The following CALCR variants were observed in gnomAD, a reference collection of about 807,000 sequenced individuals.
The protein encoded by CALCR is calcitonin receptor.
In CALCR, 47 loss-of-function variants were observed where a neutral mutation model predicts 59.5. The ratio of observed to expected loss-of-function variants is 0.79; its 90% CI spans 0.63 to 1.01. The LOEUF (loss-of-function observed/expected upper bound fraction) is 1.01, where lower values mean the gene tolerates loss of function less well. Ranked by LOEUF, CALCR falls within the 50% of genes least tolerant of loss-of-function variation. The pLI is 0.00. For synonymous variants in CALCR, 213 were observed against 211.3 expected, an observed-to-expected ratio of 1.01 and a Z score of -0.07; for missense variants, 566 against 597.1, an observed-to-expected ratio of 0.95 and a Z score of 0.54.
At position 93,486,788 on chromosome 7, in the gene CALCR, A is replaced by C. The variant is rs1584575842; in HGVS notation, c.51+143T>G. 3 of 660,510 alleles carry C rather than the reference A, an allele frequency of 4.5e-6. No homozygotes were observed. In the East Asian group the frequency reaches 8.5e-5, roughly 19 times the overall value. 40.9% of individuals were successfully genotyped at this position (660,510 alleles called of 1,614,324 possible). ...AGATTTGTTAACAAAATATTAAGCA[A>C]AATAATGGCTTTGAGGAACTTAGTT... On this transcript the variant is annotated intron_variant, in intron 3 of 13. Transcript: ENST00000426151.
chr7:93,461,551 A>G (rs947202310), intron 7 of CALCR, among the ~76,000 whole-genome samples: 8 of 152,160 alleles, frequency 5.3e-5, no homozygotes, highest in Non-Finnish European at 1.2e-4. Flanking sequence ...GGTGGAGCTC[A>G]GACACAGGCA....
Position 93,425,901 on chromosome 7 carries a change from G to A in CALCR, c.*455C>T, listed in dbSNP as rs1261408071. The A allele has an allele frequency of 3.2e-5, 5 of 154,214 alleles. No homozygotes were observed. The East Asian group carries it at 9.6e-4, about 30-fold the overall frequency. 9.6% of individuals were successfully genotyped at this position (154,214 alleles called of 1,614,324 possible). ...AAAACATCTCAGTAACATCAGAATT[G>A]ACTGAAATTTAAAAAAATTAAAAAT... On this transcript the variant is annotated 3_prime_UTR_variant, in exon 14 of 14. Coordinates refer to ENST00000426151, the MANE Select transcript of CALCR (RefSeq NM_001742.4).
chr7:93,570,700 A>T (rs1789982749), intron 2 of CALCR, among the ~76,000 whole-genome samples: 1 of 152,188 alleles, frequency 6.6e-6, no homozygotes, highest in Admixed American at 6.5e-5. Context: ...GGTACCAGGC[A>T]GCTGTGCAGA....
chr7:93,574,400 GGAGATGTC>G lies in CALCR; in HGVS notation c.-146_-139del, dbSNP rs1790070274. 1 of 152,204 alleles carries G rather than the reference GGAGATGTC, an allele frequency of 6.6e-6. No individual in the cohort carries two copies. The highest frequency in any genetic ancestry group is 6.5e-5 in the Admixed American group (1 of 15,282). 9.4% of individuals were successfully genotyped at this position (152,204 alleles called of 1,614,324 possible). On this transcript the variant is annotated 5_prime_UTR_variant, in exon 2 of 14. Transcript: ENST00000426151. ...AGCTTCAGCGCCCATCTCCTGGGCA[GGAGATGTC>G]AGCCGCAGGGTGAGGTGCGGACGTG... is the stretch of plus-strand genomic sequence containing the variant.
intron 13 of CALCR, among the ~76,000 whole-genome samples, chr7:93,429,317 C>T (rs1799599106): frequency 6.6e-6 from 1 of 151,940 alleles, no homozygotes; most frequent in Non-Finnish European, 1.5e-5. Flanking sequence ...AAAAACAAAA[C>T]AAAACAAAAC....
intron 8 of CALCR, among the ~76,000 whole-genome samples, chr7:93,459,723 T>G (rs1800277682): frequency 6.6e-6 from 1 of 152,124 alleles, no homozygotes; most frequent in African/African-American, 2.4e-5. Context: ...GAAATCACTG[T>G]GAAAAACAGT....
rs1287093605 is a variant in CALCR at position 93,486,915 on chromosome 7, C to T, written c.51+16G>A. The T allele has an allele frequency of 2.1e-6, 3 of 1,461,378 alleles. No individual in the cohort carries two copies. The African/African-American group carries it at 4.2e-5, about 21-fold the overall frequency. 90.5% of individuals were successfully genotyped at this position (1,461,378 alleles called of 1,614,324 possible). A position where few individuals can be genotyped will look rare whatever the true frequency, so the allele number is the denominator to read the frequency against. The stretch of plus-strand genomic sequence containing the variant: ...TTCTTCATTAGCATGGCTTTGAATA[C>T]TTTTGTTTTACTTACATTTAGAAGA... On this transcript the variant is annotated intron_variant, in intron 3 of 13. Coordinates refer to ENST00000426151, the MANE Select transcript of CALCR (RefSeq NM_001742.4).
intron 2 of CALCR, among the ~76,000 whole-genome samples, chr7:93,537,370 T>C (rs928727011): frequency 1.3e-5 from 2 of 151,804 alleles, no homozygotes; most frequent in Non-Finnish European, 3.0e-5. Context: ...CCCATGGAAC[T>C]GCAGTATATC....
intron 2 of CALCR, among the ~76,000 whole-genome samples, chr7:93,493,451 A>G (rs796858787): frequency 6.6e-6 from 1 of 151,400 alleles, no homozygotes; most frequent in African/African-American, 2.4e-5. Context: ...CTCTGATTCC[A>G]TCTGCATTTT....
intron 2 of CALCR, among the ~76,000 whole-genome samples, chr7:93,552,997 C>A (rs1263065802): frequency 6.6e-6 from 1 of 151,948 alleles, no homozygotes; most frequent in Non-Finnish European, 1.5e-5. Flanking sequence ...AATGGTAAAA[C>A]AACAACGTAT....
intron 11 of CALCR, among the ~76,000 whole-genome samples, chr7:93,437,489 G>C (rs1002115653): frequency 7.2e-5 from 11 of 152,118 alleles, no homozygotes; most frequent in Non-Finnish European, 8.8e-5. Context: ...TAGGTTAATT[G>C]ATTTATCTAA....
intron 2 of CALCR, among the ~76,000 whole-genome samples, chr7:93,492,350 A>G (rs1801100121): frequency 6.6e-6 from 1 of 151,470 alleles, no homozygotes; most frequent in East Asian, 2.0e-4. Context: ...TATTTTAAAA[A>G]ACAAAAATAG....
At chr7:93,560,347 A>G (rs1393605905) in intron 2 of CALCR, among the ~76,000 whole-genome samples, 1 of 152,088 alleles carries the variant, frequency 6.6e-6, no homozygotes, top group East Asian at 1.9e-4. Context: ...ATTTAAACCA[A>G]AAACAAAATA....
intron 8 of CALCR, among the ~76,000 whole-genome samples, chr7:93,452,918 T>C (rs965228895): frequency 6.6e-6 from 1 of 152,048 alleles, no homozygotes; most frequent in Non-Finnish European, 1.5e-5. Context: ...CTCTATATGG[T>C]ATAGTGAGAG....
chr7:93,433,540 G>A, intron 13 of CALCR, among the ~76,000 whole-genome samples: 1 of 152,120 alleles, frequency 6.6e-6, no homozygotes, highest in Non-Finnish European at 1.5e-5. Context: ...GATCTTTCTG[G>A]AGTTCAGATT....
chr7:93,571,294 AC>A (rs1488687910), intron 2 of CALCR, among the ~76,000 whole-genome samples: 1 of 152,170 alleles, frequency 6.6e-6, no homozygotes, highest in Non-Finnish European at 1.5e-5. Flanking sequence ...TCTACTAGAC[AC>A]GACATCCTTG....
At chr7:93,538,397 A>G (rs1266236304) in intron 2 of CALCR, among the ~76,000 whole-genome samples, 3 of 152,028 alleles carry the variant, frequency 2.0e-5, no homozygotes, top group Non-Finnish European at 4.4e-5. Flanking sequence ...GTTTTATGAT[A>G]GTTATTCTTC....
chr7:93,559,619 T>A (rs1484064913), intron 2 of CALCR: 5 of 151,852 alleles, frequency 3.3e-5, no homozygotes, highest in Admixed American at 3.3e-4. Context: ...CTTAAAACTT[T>A]TTTTTTTTTT....
chr7:93,466,980 T>C (rs2115833810), intron 7 of CALCR, among the ~76,000 whole-genome samples: 1 of 151,902 alleles, frequency 6.6e-6, no homozygotes, highest in Admixed American at 6.6e-5. Flanking sequence ...GCCTTTGACA[T>C]TATTACCTTT....
Sources: gnomAD v4.1 joint callset for allele counts (sites outside exome capture counted in the v4.1 genomes callset) on GRCh38, gnomAD v4.1.1 for gene constraint, MANE v1.5 for transcripts, NCBI Gene and HGNC (gene_info 2026-07-23, HGNC 2026-07-21) for gene names.